Variants in PLXDC2 observed in about 807,000 individuals in gnomAD.
PLXDC2 encodes the protein plexin domain-containing protein 2.
Under a neutral mutation model 68.9 loss-of-function variants are expected in PLXDC2, and 40 were observed. That is an observed-to-expected ratio of 0.58 (90% CI 0.45 to 0.76). PLXDC2 has a LOEUF of 0.76. Among genes scored for constraint, PLXDC2 ranks in the 30% least tolerant of loss-of-function variants. The pLI is 0.00. For missense variants in PLXDC2, 644 were observed against 661.9 expected, an observed-to-expected ratio of 0.97 and a Z score of 0.30; for synonymous variants, 243 against 234.2, an observed-to-expected ratio of 1.04 and a Z score of -0.34.
intron 1 of PLXDC2, among the ~76,000 whole-genome samples, chr10:19,901,934 C>T (rs1023807458): frequency 6.6e-6 from 1 of 152,126 alleles, no homozygotes; most frequent in African/African-American, 2.4e-5. Flanking sequence ...AATAGGTTGT[C>T]CTTTCCCCAC....
intron 1 of PLXDC2, among the ~76,000 whole-genome samples, chr10:19,853,110 A>G (rs1837151576): frequency 1.3e-5 from 2 of 152,218 alleles, no homozygotes; most frequent in Non-Finnish European, 2.9e-5. Context: ...AATACAGAAA[A>G]TAGAGTACAG....
intron 1 of PLXDC2, among the ~76,000 whole-genome samples, chr10:19,904,131 G>A (rs927408338): frequency 6.6e-6 from 1 of 152,106 alleles, no homozygotes; most frequent in Non-Finnish European, 1.5e-5. Flanking sequence ...AATGTTCCAT[G>A]TGCTGATGAA....
intron 9 of PLXDC2, among the ~76,000 whole-genome samples, chr10:20,201,265 G>A (rs1177989062): frequency 6.6e-6 from 1 of 152,020 alleles, no homozygotes; most frequent in Non-Finnish European, 1.5e-5. Flanking sequence ...TACATTAAGT[G>A]TTTCACTGAT....
intron 1 of PLXDC2, among the ~76,000 whole-genome samples, chr10:19,966,460 TGTAC>T (rs1834265579): frequency 6.1e-5 from 1 of 16,466 alleles, no homozygotes; most frequent in Non-Finnish European, 1.2e-4. Flanking sequence ...TGTGTGTATA[TGTAC>T]ACACATAGAT....
At chr10:19,897,122 C>G (rs1838070714) in intron 1 of PLXDC2, among the ~76,000 whole-genome samples, 1 of 152,056 alleles carries the variant, frequency 6.6e-6, no homozygotes, top group Non-Finnish European at 1.5e-5. Context: ...CTCTTTTTGT[C>G]TGTGAGTACA....
chr10:20,253,957 G>T (rs1289241278), intron 13 of PLXDC2, among the ~76,000 whole-genome samples: 2 of 152,122 alleles, frequency 1.3e-5, no homozygotes, highest in Non-Finnish European at 2.9e-5. Flanking sequence ...ACCTGAGTGG[G>T]CAGTATCCTT....
At chr10:20,013,174 A>G (rs1835146742) in intron 2 of PLXDC2, among the ~76,000 whole-genome samples, 1 of 152,188 alleles carries the variant, frequency 6.6e-6, no homozygotes, top group Admixed American at 6.5e-5. Flanking sequence ...CTGTTTATCT[A>G]TCTACCTACA....
At chr10:20,258,535 G>C (rs1279183140) in intron 13 of PLXDC2, among the ~76,000 whole-genome samples, 1 of 152,094 alleles carries the variant, frequency 6.6e-6, no homozygotes, top group African/African-American at 2.4e-5. Context: ...ATTAGAATCT[G>C]TGATCATCAA....
chr10:20,041,940 A>G (rs1835690525), intron 2 of PLXDC2, among the ~76,000 whole-genome samples: 1 of 152,162 alleles, frequency 6.6e-6, no homozygotes, highest in South Asian at 2.1e-4. Flanking sequence ...CACTCTTATG[A>G]TATTATTTAA....
rs1484131963 is a variant in PLXDC2, at chr10:20,284,330, T to TATATATATATATATATATATATATATAC, written c.*4512_*4513insTATATATATATATATATATATATATACA. ...AAATATACATATATATATATATATA[T>TATATATATATATATATATATATATATAC]ACACACACACACACACACACACAAA... On this transcript the variant is annotated 3_prime_UTR_variant, in exon 14 of 14. Coordinates refer to ENST00000377252, the MANE Select transcript of PLXDC2 (RefSeq NM_032812.9). 7.6e-4 allele frequency: 96 copies of TATATATATATATATATATATATATATAC among 126,254 alleles called. No homozygotes were observed. Among genetic ancestry groups the TATATATATATATATATATATATATATAC allele is most frequent in the African/African-American group, 1.6e-3 (56 of 34,316 alleles). 7.8% of individuals were successfully genotyped at this position (126,254 alleles called of 1,614,324 possible). A position where few individuals can be genotyped will look rare whatever the true frequency, so the allele number is the denominator to read the frequency against.
chr10:19,885,123 A>G (rs1188005067), intron 1 of PLXDC2, among the ~76,000 whole-genome samples: 1 of 151,942 alleles, frequency 6.6e-6, no homozygotes, highest in Non-Finnish European at 1.5e-5. Context: ...GCATTTTTTC[A>G]TGTGTTTTTT....
chr10:20,158,341 G>T (rs1048999192), intron 6 of PLXDC2, among the ~76,000 whole-genome samples: 6 of 151,780 alleles, frequency 4.0e-5, no homozygotes, highest in Non-Finnish European at 8.8e-5. Flanking sequence ...TCATTCTTGT[G>T]CTAATTTGCC....
chr10:20,025,701 G>A (rs1835388535), intron 2 of PLXDC2, among the ~76,000 whole-genome samples: 1 of 152,020 alleles, frequency 6.6e-6, no homozygotes, highest in African/African-American at 2.4e-5. Flanking sequence ...CATTTTAGAA[G>A]TTTCTATTCA....
chr10:19,867,028 G>T (rs1837430488), intron 1 of PLXDC2, among the ~76,000 whole-genome samples: 1 of 149,358 alleles, frequency 6.7e-6, no homozygotes, highest in Non-Finnish European at 1.5e-5. Flanking sequence ...TTAGAACAAA[G>T]AAGAATGACA....
At chr10:19,848,412 C>G (rs889910075) in intron 1 of PLXDC2, among the ~76,000 whole-genome samples, 4 of 152,118 alleles carry the variant, frequency 2.6e-5, no homozygotes, top group African/African-American at 7.2e-5. Flanking sequence ...GAGAGGGACT[C>G]TATCTGTTGG....
chr10:20,191,158 G>T (rs1834759491), intron 9 of PLXDC2, among the ~76,000 whole-genome samples: 1 of 151,850 alleles, frequency 6.6e-6, no homozygotes, highest in Admixed American at 6.6e-5. Context: ...CAAAACAAAG[G>T]TAAAGATAAT....
intron 1 of PLXDC2, among the ~76,000 whole-genome samples, chr10:19,938,290 A>C (rs565159270): frequency 6.6e-6 from 1 of 152,268 alleles, no homozygotes; most frequent in East Asian, 1.9e-4. Flanking sequence ...GGAAGATAAA[A>C]TTGGAAAGGT....
intron 13 of PLXDC2, among the ~76,000 whole-genome samples, chr10:20,260,702 A>G (rs1835799152): frequency 6.6e-6 from 1 of 152,178 alleles, no homozygotes; most frequent in African/African-American, 2.4e-5. Flanking sequence ...TTTTCTATGA[A>G]TATATATCCA....
At chr10:20,152,169 C>T (rs1225039433) in intron 6 of PLXDC2, among the ~76,000 whole-genome samples, 2 of 152,018 alleles carry the variant, frequency 1.3e-5, no homozygotes, top group African/African-American at 2.4e-5. Context: ...TTGCAGTGCA[C>T]ACTAAATGAT....
Sources: gnomAD v4.1 joint callset for allele counts (sites outside exome capture counted in the v4.1 genomes callset) on GRCh38, gnomAD v4.1.1 for gene constraint, MANE v1.5 for transcripts, NCBI Gene and HGNC (gene_info 2026-07-23, HGNC 2026-07-21) for gene names.